Variants in PIGK observed in about 807,000 individuals in gnomAD.
The protein encoded by PIGK is GPI-anchor transamidase.
Under a neutral mutation model 50.6 loss-of-function variants are expected in PIGK, and 42 were observed. The ratio of observed to expected loss-of-function variants is 0.83; its 90% confidence interval spans 0.65 to 1.07. The LOEUF is 1.07. PIGK is among the 50% of genes least tolerant of loss of function. The probability of loss-of-function intolerance (pLI) is 0.00; values close to 1 mark genes in which losing one functional copy is unlikely to be tolerated. For missense variants in PIGK, 448 were observed against 488.7 expected (o/e 0.92, Z 0.78); for synonymous variants, 151 against 156.0 (o/e 0.97, Z 0.24).
At chr1:77,113,699 T>C (rs1385503716) in intron 10 of PIGK, among the ~76,000 whole-genome samples, 5 of 152,184 alleles carry the variant, frequency 3.3e-5, no homozygotes, top group Non-Finnish European at 5.9e-5. Context: ...GAATGGTGGC[T>C]AGATTATCCA....
chr1:77,175,428 GTCATGAAAGGAT>G (rs1289264191), intron 3 of PIGK, among the ~76,000 whole-genome samples: 17 of 152,280 alleles, frequency 1.1e-4, no homozygotes, highest in African/African-American at 3.9e-4. Context: ...GTCTGTGTAA[GTCATGAAAGGAT>G]TCATGAAAGG....
intron 9 of PIGK, among the ~76,000 whole-genome samples, chr1:77,130,783 T>C (rs182234498): frequency 2.0e-5 from 3 of 152,250 alleles, no homozygotes; most frequent in African/African-American, 7.2e-5. Context: ...AATGTAGTAA[T>C]AGTTAAGAGA....
At chr1:77,106,069 C>T (rs896712435) in intron 10 of PIGK, among the ~76,000 whole-genome samples, 16 of 152,034 alleles carry the variant, frequency 1.1e-4, no homozygotes, top group Non-Finnish European at 1.8e-4. Flanking sequence ...AAAAGAAAAC[C>T]ATCAACACAC....
intron 1 of PIGK, among the ~76,000 whole-genome samples, 183 bp from the exon 2 acceptor site, chr1:77,210,672 G>A (rs984919023): frequency 2.1e-4 from 32 of 152,040 alleles, no homozygotes; most frequent in African/African-American, 7.7e-4. Flanking sequence ...TATTGCTTAA[G>A]ACACTATAAG....
chr1:77,201,744 T>C (rs1656171279), intron 3 of PIGK, among the ~76,000 whole-genome samples: 1 of 149,548 alleles, frequency 6.7e-6, no homozygotes, highest in African/African-American at 2.5e-5. Flanking sequence ...CTGTCTCAAA[T>C]ATAAAAAACA....
intron 3 of PIGK, among the ~76,000 whole-genome samples, chr1:77,170,551 G>A (rs563162936): frequency 6.6e-6 from 1 of 152,288 alleles, no homozygotes; most frequent in African/African-American, 2.4e-5. Flanking sequence ...AGCTCTCTGA[G>A]GGCAGGGGCT....
chr1:77,093,312 A>G (rs1167868682), intron 10 of PIGK, among the ~76,000 whole-genome samples: 1 of 152,050 alleles, frequency 6.6e-6, no homozygotes, highest in African/African-American at 2.4e-5. Context: ...TTTTTTGTCC[A>G]GCAAGACCAG....
chr1:77,147,764 T>C (rs1327381316), intron 9 of PIGK, among the ~76,000 whole-genome samples: 1 of 152,202 alleles, frequency 6.6e-6, no homozygotes, highest in Non-Finnish European at 1.5e-5. Flanking sequence ...GCAAAGCTTA[T>C]TACAATCAGT....
intron 3 of PIGK, among the ~76,000 whole-genome samples, chr1:77,201,982 C>T (rs1170552766): frequency 6.6e-6 from 1 of 151,138 alleles, no homozygotes; most frequent in Non-Finnish European, 1.5e-5. Context: ...CACTTGAGCC[C>T]AGGAGGTTGA....
chr1:77,134,949 T>C (rs1037297209), intron 9 of PIGK, among the ~76,000 whole-genome samples: 1 of 152,164 alleles, frequency 6.6e-6, no homozygotes, highest in Non-Finnish European at 1.5e-5. Flanking sequence ...TTTTTACTCA[T>C]GATTATAACT....
At chr1:77,181,311 A>AT (rs956037028) in intron 3 of PIGK, among the ~76,000 whole-genome samples, 3 of 152,164 alleles carry the variant, frequency 2.0e-5, no homozygotes, top group African/African-American at 7.2e-5. Flanking sequence ...AGGTAAAAAA[A>AT]ATATACATAT....
At chr1:77,177,456 T>C (rs566913270) in intron 3 of PIGK, among the ~76,000 whole-genome samples, 1 of 152,266 alleles carries the variant, frequency 6.6e-6, no homozygotes, top group Non-Finnish European at 1.5e-5. Context: ...CTTAAGGACA[T>C]GCTCCTGCTG....
intron 3 of PIGK, among the ~76,000 whole-genome samples, chr1:77,196,226 A>G (rs1656032611): frequency 6.6e-6 from 1 of 152,074 alleles, no homozygotes; most frequent in South Asian, 2.1e-4. Context: ...ATCCAGTCCA[A>G]TGTTGATGGG....
chr1:77,192,580 CATATTGAATA>C (rs1322893033), intron 3 of PIGK, among the ~76,000 whole-genome samples: 3 of 151,936 alleles, frequency 2.0e-5, no homozygotes, highest in African/African-American at 7.3e-5. Flanking sequence ...AGTTTTCTAC[CATATTGAATA>C]ATATGGTAGA....
chr1:77,090,325 G>A lies in PIGK; in HGVS notation c.*2049C>T, dbSNP rs1477464552. The A allele has an allele frequency of 1.3e-5, 2 of 152,224 alleles. No homozygotes were observed. The highest frequency in any genetic ancestry group is 2.9e-5 in the Non-Finnish European group (2 of 68,032). 9.4% of individuals were successfully genotyped at this position (152,224 alleles called of 1,614,324 possible). A position where few individuals can be genotyped will look rare whatever the true frequency, so the allele number is the denominator to read the frequency against. On this transcript the variant is annotated 3_prime_UTR_variant, in exon 11 of 11. Transcript: ENST00000370812. ...AGAGGATTTAGTTATTATGAAGGCA[G>A]AGTATGCTCTATGTAAAAAGATTAT...
chr1:77,143,318 T>C (rs1654697476), intron 9 of PIGK, among the ~76,000 whole-genome samples: 1 of 152,180 alleles, frequency 6.6e-6, no homozygotes, highest in African/African-American at 2.4e-5. Context: ...AAGTATCTGA[T>C]AGATTCATCT....
intron 10 of PIGK, among the ~76,000 whole-genome samples, chr1:77,102,477 C>T (rs183030930): frequency 3.0e-4 from 45 of 152,150 alleles, no homozygotes; most frequent in Non-Finnish European, 5.3e-4. Context: ...AGAGCGATGA[C>T]AACTTAAGAA....
intron 3 of PIGK, chr1:77,195,414 G>C (rs1359246509): frequency 1.9e-6 from 2 of 1,060,502 alleles, no homozygotes; most frequent in African/African-American, 3.2e-5. Flanking sequence ...AGCTTAGGGT[G>C]CTCACTTCCT....
At chr1:77,110,266 G>A (rs556172531) in intron 10 of PIGK, among the ~76,000 whole-genome samples, 8 of 152,054 alleles carry the variant, frequency 5.3e-5, no homozygotes, top group Non-Finnish European at 1.2e-4. Flanking sequence ...CTACTTTAAA[G>A]TTCATATGGA....
Sources: allele counts gnomAD v4.1 joint callset (sites outside exome capture counted in the v4.1 genomes callset), GRCh38; gene constraint gnomAD v4.1.1; transcripts MANE v1.5; gene names NCBI Gene and HGNC (gene_info 2026-07-23, HGNC 2026-07-21).